TTC39B: variants seen among roughly 807,000 people sequenced by gnomAD.
TTC39B encodes tetratricopeptide repeat protein 39B.
In TTC39B, 92 loss-of-function variants were observed where a neutral mutation model predicts 96.6. The ratio of observed to expected loss-of-function variants is 0.95; its 90% CI spans 0.80 to 1.13. TTC39B has a LOEUF of 1.13. Ranked by LOEUF, TTC39B falls within the 50% of genes most tolerant of loss-of-function variation. The pLI, the probability that TTC39B is intolerant of heterozygous loss-of-function variation, is 0.00. For missense variants in TTC39B, 955 were observed against 809.3 expected (o/e 1.18, Z -2.18); for synonymous variants, 367 against 299.4 (o/e 1.23, Z -2.33).
Position 15,263,927 on chromosome 9 carries a change from C to G in TTC39B, c.275+3987G>C, listed in dbSNP as rs1464549687. Among the ~76,000 whole-genome samples, 7 of 152,148 alleles carry G rather than the reference C, an allele frequency of 4.6e-5. No individual in the cohort carries two copies. In the South Asian group the frequency reaches 6.2e-4, roughly 14 times the overall value. On this transcript the variant is annotated intron_variant, in intron 2 of 19. Coordinates refer to ENST00000512701, the Ensembl canonical transcript of TTC39B. Reference sequence around the variant, plus strand: ...ACGAGAAATAATGCACACCAGAAACCTAAAAGAGCAAGATACATTCTAAAA... The same window carrying G: ...ACGAGAAATAATGCACACCAGAAACGTAAAAGAGCAAGATACATTCTAAAA...
intron 1 of TTC39B, among the ~76,000 whole-genome samples, chr9:15,296,748 C>T (rs1223465895): frequency 4.6e-5 from 7 of 152,260 alleles, no homozygotes; most frequent in African/African-American, 1.2e-4. Flanking sequence ...CCCCCTGCCT[C>T]GGCCTCCCAA....
chr9:15,220,751 GA>G lies in TTC39B; in HGVS notation c.371+5165del, dbSNP rs376144954. Among the ~76,000 whole-genome samples, 606 of 152,016 alleles carry G rather than the reference GA, an allele frequency of 4.0e-3. 4 individuals are homozygous for G. The highest frequency in any genetic ancestry group is 0.013 in the African/African-American group (553 of 41,452). On this transcript the variant is annotated intron_variant, in intron 3 of 19. Coordinates refer to ENST00000512701, the Ensembl canonical transcript of TTC39B. ...AGAGTTTGTATAACCAGTTCCCCTA[GA>G]TAACATCTTACATAACACTTTTGAA...
At chr9:15,298,144 C>T (rs1321867417) in intron 1 of TTC39B, among the ~76,000 whole-genome samples, 5 of 152,180 alleles carry the variant, frequency 3.3e-5, no homozygotes, top group Non-Finnish European at 7.3e-5. Context: ...TTCTCTTGGA[C>T]ATCAGAACTC....
chr9:15,306,222 C>G lies in TTC39B; in HGVS notation c.240+862G>C, dbSNP rs1475519579. ...TGTGGGTGCTGGCTGCTGCTGGAGC[C>G]TCGGTCTCAACTTCAAGAGCAGGGA... On this transcript the variant is annotated intron_variant, in intron 1 of 19. Coordinates refer to ENST00000512701, the Ensembl canonical transcript of TTC39B. This position sits in a 1 kb window ranked among gnomAD's most constrained non-coding sequence, Gnocchi z 5.1. Among the ~76,000 whole-genome samples, 5 of 152,214 alleles carry G rather than the reference C, an allele frequency of 3.3e-5. No individual in the cohort carries two copies. The highest frequency in any genetic ancestry group is 7.3e-5 in the Non-Finnish European group (5 of 68,034).
At chr9:15,203,417 ATT>A (rs538878569) in intron 7 of TTC39B, among the ~76,000 whole-genome samples, 9 of 142,944 alleles carry the variant, frequency 6.3e-5, no homozygotes, top group African/African-American at 7.7e-5. Context: ...TGCCTGGCTA[ATT>A]TTTTTTTTTT....
chr9:15,177,573 T>C, intron 18 of TTC39B, 124 bp downstream of exon 18: 1 of 643,358 alleles, frequency 1.6e-6, no homozygotes, highest in South Asian at 2.1e-5. Flanking sequence ...TACTGGATTT[T>C]CTTTCTGGTA....
At chr9:15,188,174 C>G (rs371462233) in intron 13 of TTC39B, 42 bp from the exon 14 acceptor site, 1 of 1,528,978 alleles carries the variant, frequency 6.5e-7, no homozygotes, top group South Asian at 1.3e-5. Flanking sequence ...AGATATTAGA[C>G]AAGGAGATAA....
rs1202052627 is a variant in TTC39B at position 15,210,078 on chromosome 9, T to A, written c.691+10A>T. ...TCAAGGAAAAAAGTGATCTTTTAAA[T>A]GACTTTTACCTTCACTCAGTTGCTC... On this transcript the variant is annotated intron_variant, in intron 6 of 19. Transcript: ENST00000512701. The A allele has an allele frequency of 6.3e-7, 1 of 1,580,032 alleles. No homozygotes were observed. Among genetic ancestry groups the A allele is most frequent in the Non-Finnish European group, 8.6e-7 (1 of 1,162,086 alleles).
chr9:15,271,157 T>G (rs879356514), intron 1 of TTC39B, among the ~76,000 whole-genome samples: 4 of 151,998 alleles, frequency 2.6e-5, no homozygotes, highest in Non-Finnish European at 5.9e-5. Context: ...GGGTGGGAGA[T>G]GAAGGGGTGC....
chr9:15,302,775 C>T (rs1296329752), intron 1 of TTC39B, among the ~76,000 whole-genome samples: 1 of 151,672 alleles, frequency 6.6e-6, no homozygotes, highest in Admixed American at 6.6e-5. Flanking sequence ...ACCCGGGAGG[C>T]GGAGGTTGCA....
In TTC39B at chr9:15,234,630, C is replaced by T. The variant is rs183330620; in HGVS notation, c.276-8618G>A. 4.9e-3 allele frequency among the ~76,000 whole-genome samples: 742 copies of T among 152,102 alleles called. 6 individuals are homozygous for T. Among genetic ancestry groups the T allele is most frequent in the African/African-American group, 0.016 (647 of 41,452 alleles). On this transcript the variant is annotated intron_variant, in intron 2 of 19. Transcript: ENST00000512701. ...AAAGATTGAGAAATCGGATGGTTGC[C>T]GTGTCTGTGTAGGGAGAAGTAGACA...
intron 1 of TTC39B, among the ~76,000 whole-genome samples, chr9:15,299,837 G>GGAAGAA (rs1824521086): frequency 6.6e-6 from 1 of 152,138 alleles, no homozygotes; most frequent in African/African-American, 2.4e-5. Context: ...AAGAAGGCAA[G>GGAAGAA]CAGCTAGCAC....
chr9:15,303,634 T>C (rs188352022), intron 1 of TTC39B, among the ~76,000 whole-genome samples: 2 of 145,466 alleles, frequency 1.4e-5, no homozygotes, highest in African/African-American at 2.5e-5. Context: ...ATGAGAAAAA[T>C]TTTTTTTTTT....
At chr9:15,234,961 C>G (rs1252517286) in intron 2 of TTC39B, among the ~76,000 whole-genome samples, 1 of 151,268 alleles carries the variant, frequency 6.6e-6, no homozygotes, top group Non-Finnish European at 1.5e-5. Context: ...TGCTGACCTT[C>G]CCTCCACTAT....
chr9:15,215,486 G>A (rs561010544), intron 3 of TTC39B, among the ~76,000 whole-genome samples: 1 of 152,126 alleles, frequency 6.6e-6, no homozygotes, highest in Non-Finnish European at 1.5e-5. Flanking sequence ...GAACCCAGGA[G>A]GTGGAGGTTG....
At chr9:15,266,762 A>G (rs991914829) in intron 2 of TTC39B, among the ~76,000 whole-genome samples, 12 of 152,108 alleles carry the variant, frequency 7.9e-5, no homozygotes, top group Admixed American at 3.9e-4. Flanking sequence ...TGGGGTCCTC[A>G]GGATAGGATT....
intron 8 of TTC39B, among the ~76,000 whole-genome samples, chr9:15,194,928 C>A (rs1049217360): frequency 1.3e-5 from 2 of 152,158 alleles, no homozygotes; most frequent in East Asian, 3.8e-4. Flanking sequence ...GAAATTAGGC[C>A]AGTTGGTAAC....
At position 15,239,154 on chromosome 9, in the gene TTC39B, G is replaced by GA. The variant is rs573059792; in HGVS notation, c.276-13143dup. On this transcript the variant is annotated intron_variant, in intron 2 of 19. Transcript: ENST00000512701. ...TAATACAAGAGGCCAACAAACACAT[G>GA]AAAAAAAAAATGCTCAACATCACTA... Among the ~76,000 whole-genome samples the GA allele has an allele frequency of 7.6e-3, 1,121 of 147,544 alleles. 9 individuals are homozygous for GA. The highest frequency in any genetic ancestry group is 0.022 in the African/African-American group (901 of 40,380).
At chr9:15,293,803 C>G (rs1362562787) in intron 1 of TTC39B, among the ~76,000 whole-genome samples, 1 of 152,210 alleles carries the variant, frequency 6.6e-6, no homozygotes, top group African/African-American at 2.4e-5. Flanking sequence ...CAGACCTTAC[C>G]TACACTTGTG....
Sources: gnomAD v4.1 joint callset for allele counts (sites outside exome capture counted in the v4.1 genomes callset) on GRCh38, gnomAD v4.1.1 for gene constraint, Gnocchi (gnomAD v3.1) non-coding constraint, MANE v1.5 for transcripts, NCBI Gene and HGNC (gene_info 2026-07-23, HGNC 2026-07-21) for gene names.